The following MAP4K2 variants were observed in gnomAD, a reference collection of about 807,000 sequenced individuals.
The protein encoded by MAP4K2 is mitogen-activated protein kinase kinase kinase kinase 2.
MAP4K2 carries 85 observed loss-of-function variants against 125.3 expected under a neutral mutation model. The ratio of observed to expected loss-of-function variants is 0.68; its 90% confidence interval spans 0.57 to 0.81. The LOEUF (loss-of-function observed/expected upper bound fraction) is 0.81. MAP4K2 is among the 40% of genes least tolerant of loss of function. The pLI, the probability that MAP4K2 is intolerant of heterozygous loss-of-function variation, is 0.00. For missense variants in MAP4K2, 923 were observed against 1,056.4 expected, an observed-to-expected ratio of 0.87 and a Z score of 1.75; for synonymous variants, 479 against 445.1, an observed-to-expected ratio of 1.08 and a Z score of -0.96.
intron 24 of MAP4K2, among the ~76,000 whole-genome samples, chr11:64,793,970 A>C (rs1424313117): frequency 6.6e-6 from 1 of 152,170 alleles, no homozygotes; most frequent in East Asian, 1.9e-4. Flanking sequence ...AGCACGTTGC[A>C]GGAAGGGGGC....
chr11:64,796,706 G>A lies in MAP4K2; in HGVS notation c.1500C>T (p.Phe500=). The A allele has an allele frequency of 6.2e-7, 1 of 1,611,648 alleles. No homozygotes were observed. Among genetic ancestry groups the A allele is most frequent in the Non-Finnish European group, 8.5e-7 (1 of 1,179,060 alleles). The change falls in exon 22 of 32, where the codon TTC becomes TTT. Residue 500 remains phenylalanine, a synonymous_variant. Transcript: ENST00000294066. The part of the protein sequence containing the change: ...TWIHPVTRDQ[F]LVVGAEEGIY... ...TGCCTTCCTCGGCCCCTACCACCAG[G>A]AACTGGTCTGCCAGTTTGGGCATGG...
intron 15 of MAP4K2, among the ~76,000 whole-genome samples, chr11:64,798,190 G>A (rs1413686524): frequency 6.6e-6 from 1 of 151,538 alleles, no homozygotes; most frequent in African/African-American, 2.4e-5. Flanking sequence ...ATCTGAGATG[G>A]AGTCTCGCTC....
In MAP4K2 at chr11:64,796,725, G is replaced by A. The variant is rs1191555361; in HGVS notation, c.1493-12C>T. The stretch of plus-strand genomic sequence containing the variant: ...CACCAGGAACTGGTCTGCCAGTTTG[G>A]GCATGGGGTCAGAGGTCAGACATGG... On this transcript the variant is annotated splice_polypyrimidine_tract_variant and intron_variant, in intron 21 of 31. Coordinates refer to ENST00000294066, the MANE Select transcript of MAP4K2 (RefSeq NM_004579.5). 1 of 1,613,854 alleles carries A rather than the reference G, an allele frequency of 6.2e-7. No homozygotes were observed. The highest frequency in any genetic ancestry group is 1.3e-5 in the African/African-American group (1 of 74,928).
At chr11:64,802,970 G>A in intron 1 of MAP4K2, 28 bp from the exon 2 acceptor site, 1 of 1,558,350 alleles carries the variant, frequency 6.4e-7, no homozygotes, top group Non-Finnish European at 8.7e-7. Flanking sequence ...GAAGCGGGAT[G>A]GGGGGCGGGG....
Position 64,800,103 on chromosome 11 carries a change from A to G in MAP4K2, c.915+6T>C. 1 of 1,593,222 alleles carries G rather than the reference A, an allele frequency of 6.3e-7. No homozygotes were observed. The highest frequency in any genetic ancestry group is 8.5e-7 in the Non-Finnish European group (1 of 1,169,758). ...CAAGACTCACTTTCCAGCCCCCCTC[A>G]CCTACCTCCAGCTCACAGTCCTCAG... On this transcript the variant is annotated splice_donor_region_variant and intron_variant, in intron 12 of 31. Transcript: ENST00000294066.
At position 64,786,571 on chromosome 11, in the gene MAP4K2, G is replaced by C. The variant is rs1049988671; in HGVS notation, c.*2966C>G. The C allele has an allele frequency of 2.6e-5, 4 of 152,228 alleles. No homozygotes were observed. Among genetic ancestry groups the C allele is most frequent in the African/African-American group, 9.6e-5 (4 of 41,526 alleles). The allele number at this position is 152,228 out of a possible 1,614,324, so 9.4% of individuals were successfully genotyped here. A position where few individuals can be genotyped will look rare whatever the true frequency, so the allele number is the denominator to read the frequency against. On this transcript the variant is annotated 3_prime_UTR_variant, in exon 32 of 32. Coordinates refer to ENST00000294066, the MANE Select transcript of MAP4K2 (RefSeq NM_004579.5). ...GCCAGTTACCTGAACATCCTGGGGG[G>C]GCCCACGTCCCTTCTACTTGTCCTC...
Position 64,798,805 on chromosome 11 carries a change from T to C in MAP4K2, c.1086A>G (p.Glu362=), listed in dbSNP as rs748229369. The change falls in exon 15 of 32, where the codon GAA becomes GAG. Residue 362 remains glutamate (E), a synonymous_variant. Transcript: ENST00000294066. ...CATACCTCACTTACCCACTCAACTC[T>C]TCCTTTCCCAGTAGTGTCCACTCTT... ...WEEEWTLLGK[E]ELSGSLLQSV... The C allele has an allele frequency of 3.7e-6, 6 of 1,610,778 alleles. No homozygotes were observed. In the Admixed American group the frequency reaches 5.0e-5, roughly 14 times the overall value.
At position 64,789,503 on chromosome 11, in the gene MAP4K2, TG is replaced by T; in HGVS notation, c.*33del. 1 of 1,544,620 alleles carries T rather than the reference TG, an allele frequency of 6.5e-7. No individual in the cohort carries two copies. The highest frequency in any genetic ancestry group is 1.2e-5 in the South Asian group (1 of 84,140). ...AAGGGCCTGCAGCTAAGGCGTGGGGTGGGGCGGGGAGCCCCTGGACAGGCCC... is the reference window on the plus strand; with the variant it reads ...AAGGGCCTGCAGCTAAGGCGTGGGGTGGGCGGGGAGCCCCTGGACAGGCCC... On this transcript the variant is annotated 3_prime_UTR_variant, in exon 32 of 32. Transcript: ENST00000294066.
intron 24 of MAP4K2, 37 bp downstream of exon 24, chr11:64,796,232 CCCCT>C: frequency 6.7e-7 from 1 of 1,496,262 alleles, no homozygotes; most frequent in Non-Finnish European, 9.0e-7. Flanking sequence ...CCCCTCCCTG[CCCCT>C]CTGCCTCCCG....
chr11:64,796,982 A>G lies in MAP4K2; in HGVS notation c.1407T>C (p.His469=). 7 of 1,613,812 alleles carry G rather than the reference A, an allele frequency of 4.3e-6. No individual in the cohort carries two copies. The highest frequency in any genetic ancestry group is 5.9e-6 in the Non-Finnish European group (7 of 1,179,922). Residue 469 remains histidine, a splice_region_variant and synonymous_variant, in exon 20 of 32, where the codon CAT becomes CAC. Transcript: ENST00000294066. ...TGCAGGGCTTGGGGCAAACACTTAC[A>G]TGCACCTTGGGAGTTGGGGGGAGCC... ...CHGLPPTPKV[H]MGACFSKVFN...
chr11:64,801,487 T>G, intron 7 of MAP4K2, 92 bp downstream of exon 7: 1 of 1,419,880 alleles, frequency 7.0e-7, no homozygotes, highest in South Asian at 1.2e-5. Context: ...AGTGGCAAAG[T>G]GACTTGCCCA....
Position 64,790,178 on chromosome 11 carries a change from GCTCA to G in MAP4K2, c.2248+6_2248+9del. On this transcript the variant is annotated splice_donor_region_variant and intron_variant, in intron 29 of 31. Transcript: ENST00000294066. ...GGGAAAGGCCTGCACCCCACCTCTG[GCTCA>G]CTCACCCACAGTCTCGATGGGGAAA... 2 of 1,614,006 alleles carry G rather than the reference GCTCA, an allele frequency of 1.2e-6. No individual in the cohort carries two copies.
At position 64,787,964 on chromosome 11, in the gene MAP4K2, G is replaced by C. The variant is rs919363854; in HGVS notation, c.*1573C>G. The C allele has an allele frequency of 3.9e-5, 6 of 152,190 alleles. No homozygotes were observed. Among genetic ancestry groups the C allele is most frequent in the Non-Finnish European group, 8.8e-5 (6 of 68,046 alleles). 9.4% of individuals were successfully genotyped at this position (152,190 alleles called of 1,614,324 possible). A position where few individuals can be genotyped will look rare whatever the true frequency, so the allele number is the denominator to read the frequency against. Reference sequence around the variant, plus strand: ...TACCACCGACCCCAATTTGGAAGGTGCCCCTCACCCTCCTTGGGGCTCACG... The same window carrying C: ...TACCACCGACCCCAATTTGGAAGGTCCCCCTCACCCTCCTTGGGGCTCACG... On this transcript the variant is annotated 3_prime_UTR_variant, in exon 32 of 32. Transcript: ENST00000294066.
Position 64,790,227 on chromosome 11 carries a change from C to G in MAP4K2, c.2209G>C (p.Ala737Pro). Residue 737 changes from alanine to proline, a missense_variant, in exon 29 of 32, where the codon GCA (alanine) becomes CCA (proline). Ala to Pro is a conservative substitution (Grantham distance 27). Around this residue, in one of 2 missense-constraint regions of MAP4K2, gnomAD observed 90 missense variants for 144.9 expected, o/e 0.62. Transcript: ENST00000294066. ...GGGAAATCAAAGGTCAGCTCAGGTG[C>G]CAGTGTGGCCGTGGGCTCGCCCTGC... ...NMQGEPTATL[A>P]PELTFDFPIE... The G allele has an allele frequency of 6.2e-7, 1 of 1,614,206 alleles. No individual in the cohort carries two copies. The highest frequency in any genetic ancestry group is 8.5e-7 in the Non-Finnish European group (1 of 1,180,024).
At chr11:64,796,591 G>T (rs1349949688) in intron 22 of MAP4K2, 38 bp from the exon 23 acceptor site, 6 of 1,613,882 alleles carry the variant, frequency 3.7e-6, no homozygotes, top group Non-Finnish European at 5.1e-6. Context: ...AGCACCCCAG[G>T]CCCCCACAAG....
Position 64,791,902 on chromosome 11 carries a change from T to TAA in MAP4K2, c.2092+6_2092+7insTT. The TAA allele has an allele frequency of 6.4e-7, 1 of 1,567,908 alleles. No homozygotes were observed. The highest frequency in any genetic ancestry group is 8.7e-7 in the Non-Finnish European group (1 of 1,153,392). Reference sequence around the variant, plus strand: ...CCCACCCCCAGCAGCCTGGCCCTTCTGCTCACCAGGTGGGATGAGGATGTC... The same window carrying TAA: ...CCCACCCCCAGCAGCCTGGCCCTTCTAAGCTCACCAGGTGGGATGAGGATGTC... On this transcript the variant is annotated splice_region_variant and intron_variant, in intron 27 of 31. Coordinates refer to ENST00000294066, the MANE Select transcript of MAP4K2 (RefSeq NM_004579.5).
intron 5 of MAP4K2, 27 bp from the exon 6 acceptor site, chr11:64,801,784 G>A (rs372358591): frequency 1.2e-6 from 2 of 1,610,730 alleles, no homozygotes; most frequent in Non-Finnish European, 1.7e-6. Context: ...GTCCCTGAGA[G>A]CAGCCACCCA....
intron 23 of MAP4K2, 40 bp downstream of exon 23, chr11:64,796,453 C>T (rs1208853371): frequency 6.2e-7 from 1 of 1,613,574 alleles, no homozygotes; most frequent in Non-Finnish European, 8.5e-7. Context: ...GGCGCTGGAG[C>T]CCCTGCGGAC....
Position 64,789,472 on chromosome 11 carries a change from G to C in MAP4K2, c.*65C>G. The C allele has an allele frequency of 6.9e-7, 1 of 1,448,968 alleles. No individual in the cohort carries two copies. Among genetic ancestry groups the C allele is most frequent in the Non-Finnish European group, 9.5e-7 (1 of 1,055,390 alleles). The allele number at this position is 1,448,968 out of a possible 1,614,324, so 89.8% of individuals were successfully genotyped here. A position where few individuals can be genotyped will look rare whatever the true frequency, so the allele number is the denominator to read the frequency against. On this transcript the variant is annotated 3_prime_UTR_variant, in exon 32 of 32. Coordinates refer to ENST00000294066, the MANE Select transcript of MAP4K2 (RefSeq NM_004579.5). The stretch of plus-strand genomic sequence containing the variant: ...CCTCTGGTCTAGGATGGGCCCCTTT[G>C]CCCAAAAGGGCCTGCAGCTAAGGCG...
Sources: gnomAD v4.1 joint callset for allele counts (sites outside exome capture counted in the v4.1 genomes callset) on GRCh38, gnomAD v4.1.1 for gene constraint, gnomAD v4.1.1 regional missense constraint, MANE v1.5 for transcripts, NCBI Gene and HGNC (gene_info 2026-07-23, HGNC 2026-07-21) for gene names.